TOX: variants seen among roughly 807,000 people sequenced by gnomAD.
TOX encodes thymocyte selection associated high mobility group box.
Under a neutral mutation model 53.7 loss-of-function variants are expected in TOX, and 11 were observed. The observed-to-expected ratio is 0.20, with a 90% CI of 0.13 to 0.34. The LOEUF (loss-of-function observed/expected upper bound fraction) is 0.34, where lower values mean the gene tolerates loss of function less well. Among genes scored for constraint, TOX ranks in the 10% least tolerant of loss-of-function variants. TOX has a pLI of 1.00. For missense variants in TOX, 570 were observed against 664.6 expected (o/e 0.86, Z 1.56); for synonymous variants, 225 against 245.3 (o/e 0.92, Z 0.77).
chr8:58,808,159 G>C lies in TOX; in HGVS notation c.1503C>G (p.Pro501=). The change falls in exon 8 of 9, where the codon CCC becomes CCG. Residue 501 remains proline (P), a synonymous_variant. Transcript: ENST00000361421. ...EYVRSGCRNP[P]PQPVDWNNDY... ...CGTTATTCCAGTCCACCGGTTGTGG[G>C]GGAGGATTTCTGCACCCCGAACGCA... 1 of 1,614,056 alleles carries C rather than the reference G, an allele frequency of 6.2e-7. No individual in the cohort carries two copies. Among genetic ancestry groups the C allele is most frequent in the Non-Finnish European group, 8.5e-7 (1 of 1,179,972 alleles).
intron 1 of TOX, among the ~76,000 whole-genome samples, chr8:59,040,567 T>G (rs1267554140): frequency 6.6e-6 from 1 of 152,122 alleles, no homozygotes; most frequent in Non-Finnish European, 1.5e-5. Context: ...ACCATTTGAG[T>G]GTATAACTGT....
chr8:59,028,845 G>A (rs1814295001), intron 1 of TOX, among the ~76,000 whole-genome samples: 1 of 152,082 alleles, frequency 6.6e-6, no homozygotes, highest in Non-Finnish European at 1.5e-5. Context: ...TTTGTAAACA[G>A]GTAATTTTAG....
chr8:58,818,784 C>G (rs16924012), intron 6 of TOX, among the ~76,000 whole-genome samples: 31,043 of 152,036 alleles, frequency 0.2, 7,782 homozygotes, highest in African/African-American at 0.58. Context: ...CTCGGCAGGA[C>G]CCAAACCCTT....
intron 1 of TOX, among the ~76,000 whole-genome samples, chr8:59,008,439 G>A (rs1585960236): frequency 6.6e-6 from 1 of 152,250 alleles, no homozygotes; most frequent in East Asian, 1.9e-4. Flanking sequence ...ACCGAGCCCT[G>A]TGGGAGGGTC....
At chr8:59,002,607 CAA>C (rs140801735) in intron 1 of TOX, among the ~76,000 whole-genome samples, 1 of 145,410 alleles carries the variant, frequency 6.9e-6, no homozygotes, top group African/African-American at 2.6e-5. Context: ...ACAACAACAA[CAA>C]AAAAAAAACA....
At chr8:58,937,229 A>T (rs1444822648) in intron 3 of TOX, among the ~76,000 whole-genome samples, 1 of 152,240 alleles carries the variant, frequency 6.6e-6, no homozygotes, top group Non-Finnish European at 1.5e-5. Context: ...ATAGCAAATC[A>T]GAGCTTCATT....
chr8:58,990,944 T>G (rs989474503), intron 1 of TOX, among the ~76,000 whole-genome samples: 2 of 152,256 alleles, frequency 1.3e-5, no homozygotes, highest in Non-Finnish European at 1.5e-5. Context: ...GGTTTCATTT[T>G]GTTTTAAATC....
chr8:59,078,253 T>G (rs1321255033), intron 1 of TOX, among the ~76,000 whole-genome samples: 1 of 152,172 alleles, frequency 6.6e-6, no homozygotes, highest in East Asian at 1.9e-4. Context: ...AGGGAGACTC[T>G]TCCTCCAGGA....
chr8:59,041,314 C>G (rs1181895482), intron 1 of TOX, among the ~76,000 whole-genome samples: 1 of 152,078 alleles, frequency 6.6e-6, no homozygotes, highest in Non-Finnish European at 1.5e-5. Flanking sequence ...TCTTTCACTC[C>G]CCCATCCTGA....
chr8:58,968,030 T>C (rs1812934547), intron 1 of TOX, among the ~76,000 whole-genome samples: 1 of 152,204 alleles, frequency 6.6e-6, no homozygotes, highest in Non-Finnish European at 1.5e-5. Flanking sequence ...AACAAACTTA[T>C]GAAACAGTGA....
At chr8:58,995,914 G>A (rs1460699645) in intron 1 of TOX, among the ~76,000 whole-genome samples, 1 of 152,160 alleles carries the variant, frequency 6.6e-6, no homozygotes, top group Non-Finnish European at 1.5e-5. Flanking sequence ...TGTTTTTAGT[G>A]GGTTTTTCCT....
rs1186902617 is a variant in TOX at position 58,848,566 on chromosome 8, CTG to C, written c.693+2956_693+2957del. ...ACCCACAATTTCCTTAAAGAGAAAACTGTGCCAAAAATGTGATTGTAATGTCA... is the reference window on the plus strand; with the variant it reads ...ACCCACAATTTCCTTAAAGAGAAAACTGCCAAAAATGTGATTGTAATGTCA... On this transcript the variant is annotated intron_variant, in intron 4 of 8. Coordinates refer to ENST00000361421, the MANE Select transcript of TOX (RefSeq NM_014729.3). 3.9e-5 allele frequency among the ~76,000 whole-genome samples: 6 copies of C among 151,990 alleles called. No individual in the cohort carries two copies. The East Asian group carries it at 7.7e-4, about 19-fold the overall frequency.
rs1275418527 is a variant in TOX at position 59,119,080 on chromosome 8, T to C, written c.-93A>G. On this transcript the variant is annotated 5_prime_UTR_variant, in exon 1 of 9. Transcript: ENST00000361421. The stretch of plus-strand genomic sequence containing the variant: ...CTTAGACGGAACAGAGTGAGGTGTC[T>C]GGGCTCAGGAGTAAAAGAAACACCT... The C allele has an allele frequency of 2.5e-6, 2 of 787,678 alleles. No homozygotes were observed. The highest frequency in any genetic ancestry group is 1.8e-5 in the African/African-American group (1 of 54,508). The allele number at this position is 787,678 out of a possible 1,614,324, so 48.8% of individuals were successfully genotyped here.
At chr8:58,887,614 C>A (rs373176043) in intron 3 of TOX, among the ~76,000 whole-genome samples, 96 of 151,956 alleles carry the variant, frequency 6.3e-4, no homozygotes, top group Middle Eastern at 3.4e-3. Flanking sequence ...ATAGTCTGTG[C>A]TTTGCTCTTC....
intron 2 of TOX, among the ~76,000 whole-genome samples, chr8:58,952,204 T>A (rs1812633353): frequency 1.3e-5 from 2 of 152,170 alleles, no homozygotes; most frequent in South Asian, 4.1e-4. Flanking sequence ...TTTTTTATAG[T>A]AAAAATGGGC....
At chr8:59,108,982 G>A (rs539057054) in intron 1 of TOX, among the ~76,000 whole-genome samples, 1 of 152,086 alleles carries the variant, frequency 6.6e-6, no homozygotes, top group Non-Finnish European at 1.5e-5. Context: ...GGCTTAAGAA[G>A]CTTTTACTAT....
chr8:58,999,606 C>T (rs1813651345), intron 1 of TOX, among the ~76,000 whole-genome samples: 1 of 152,084 alleles, frequency 6.6e-6, no homozygotes, highest in African/African-American at 2.4e-5. Flanking sequence ...GGTTTGATCA[C>T]TTTGAGGTAG....
At chr8:58,949,832 A>T (rs1253441413) in intron 2 of TOX, among the ~76,000 whole-genome samples, 1 of 150,872 alleles carries the variant, frequency 6.6e-6, no homozygotes, top group Non-Finnish European at 1.5e-5. Flanking sequence ...ATGTATATAA[A>T]ATATATATAT....
intron 2 of TOX, among the ~76,000 whole-genome samples, chr8:58,953,172 G>A (rs965759495): frequency 1.3e-5 from 2 of 151,938 alleles, no homozygotes; most frequent in Non-Finnish European, 2.9e-5. Flanking sequence ...ATTACCTAAA[G>A]TTCAACAACA....
Sources: allele counts gnomAD v4.1 joint callset (sites outside exome capture counted in the v4.1 genomes callset), GRCh38; gene constraint gnomAD v4.1.1; transcripts MANE v1.5; gene names NCBI Gene and HGNC (gene_info 2026-07-23, HGNC 2026-07-21).